Variants in HDAC9 observed in about 807,000 individuals in gnomAD.
The protein encoded by HDAC9 is histone deacetylase 9.
Under a neutral mutation model 139.4 loss-of-function variants are expected in HDAC9, and 41 were observed. That is an observed-to-expected ratio of 0.29 (90% CI 0.23 to 0.38). The LOEUF (loss-of-function observed/expected upper bound fraction) is 0.38, where lower values mean the gene tolerates loss of function less well. HDAC9 is among the 10% of genes least tolerant of loss of function. HDAC9 has a pLI of 1.00. For synonymous variants in HDAC9, 517 were observed against 476.2 expected (o/e 1.09, Z -1.12); for missense variants, 1,147 against 1,297.0 (o/e 0.88, Z 1.78).
rs1031856152 is a variant in HDAC9 at position 18,766,564 on chromosome 7, A to G, written c.2165-542A>G. Among the ~76,000 whole-genome samples the G allele has an allele frequency of 8.5e-5, 13 of 152,300 alleles. No homozygotes were observed. The East Asian group carries it at 1.9e-3, about 23-fold the overall frequency. Reference sequence around the variant, plus strand: ...CTATGGTGTACTTGGCTTTAGCTCTATCTTAAAGTTGATATAGCTACTTAT... The same window carrying G: ...CTATGGTGTACTTGGCTTTAGCTCTGTCTTAAAGTTGATATAGCTACTTAT... On this transcript the variant is annotated intron_variant, in intron 15 of 25. Transcript: ENST00000686413.
intron 2 of HDAC9, among the ~76,000 whole-genome samples, chr7:18,563,807 A>G (rs1411094368): frequency 1.3e-5 from 2 of 148,854 alleles, no homozygotes; most frequent in African/African-American, 2.5e-5. Flanking sequence ...GGTTTGTTAC[A>G]TAGGTATACA....
intron 2 of HDAC9, among the ~76,000 whole-genome samples, chr7:18,547,545 C>A (rs1402104792): frequency 6.6e-6 from 1 of 152,106 alleles, no homozygotes; most frequent in African/African-American, 2.4e-5. Flanking sequence ...GACTGTGGCA[C>A]TTTCTTAAAA....
chr7:18,800,787 C>T (rs1305438947), intron 17 of HDAC9, among the ~76,000 whole-genome samples: 2 of 151,976 alleles, frequency 1.3e-5, no homozygotes, highest in Non-Finnish European at 2.9e-5. Flanking sequence ...GAGCCAAGAT[C>T]GTGCTGTCTC....
chr7:18,294,670 G>A (rs75490366), intron 1 of HDAC9, among the ~76,000 whole-genome samples: 13,320 of 152,144 alleles, frequency 0.088, 1,156 homozygotes, highest in African/African-American at 0.23. Context: ...TGCATGTTGT[G>A]CAAGTGCAAT....
chr7:18,257,338 GA>G (rs1177163393), intron 2 of HDAC9, among the ~76,000 whole-genome samples: 3 of 142,930 alleles, frequency 2.1e-5, no homozygotes, highest in African/African-American at 7.8e-5. Context: ...CTCCAGCCTG[GA>G]TGACACAATG....
At chr7:18,697,320 T>A (rs1271196109) in intron 12 of HDAC9, among the ~76,000 whole-genome samples, 1 of 152,168 alleles carries the variant, frequency 6.6e-6, no homozygotes, top group Non-Finnish European at 1.5e-5. Context: ...TTATTTTTTT[T>A]AAATCAGGAA....
At chr7:18,320,464 G>T (rs1240160408) in intron 1 of HDAC9, among the ~76,000 whole-genome samples, 2 of 152,146 alleles carry the variant, frequency 1.3e-5, no homozygotes, top group East Asian at 3.9e-4. Context: ...ATGTGTTGCT[G>T]CAGGATCGGT....
chr7:18,411,677 C>T (rs914528213), intron 1 of HDAC9, among the ~76,000 whole-genome samples: 3 of 151,596 alleles, frequency 2.0e-5, no homozygotes, highest in African/African-American at 7.3e-5. Context: ...GCCCAGCTAG[C>T]TTTTTAAAAA....
intron 2 of HDAC9, among the ~76,000 whole-genome samples, chr7:18,540,590 A>G (rs965226672): frequency 2.6e-5 from 4 of 152,292 alleles, no homozygotes; most frequent in African/African-American, 9.6e-5. Context: ...CAGACATGAA[A>G]TATTTACATG....
At chr7:18,884,951 G>C (rs1254885180) in intron 22 of HDAC9, among the ~76,000 whole-genome samples, 1 of 152,136 alleles carries the variant, frequency 6.6e-6, no homozygotes, top group South Asian at 2.1e-4. Context: ...TGGCAGAAAG[G>C]GTGGTTCTGT....
intron 1 of HDAC9, among the ~76,000 whole-genome samples, chr7:18,301,775 T>C (rs752637713): frequency 6.6e-6 from 1 of 152,160 alleles, no homozygotes; most frequent in Non-Finnish European, 1.5e-5. Flanking sequence ...CAGACACTCA[T>C]GTTTAATAAT....
At chr7:18,098,172 G>C (rs868278259) in intron 1 of HDAC9, among the ~76,000 whole-genome samples, 2 of 152,156 alleles carry the variant, frequency 1.3e-5, no homozygotes, top group East Asian at 1.9e-4. Context: ...CCGTGAAATC[G>C]ATACTACAGG....
At chr7:18,442,593 A>T (rs1341035911) in intron 1 of HDAC9, among the ~76,000 whole-genome samples, 1 of 152,176 alleles carries the variant, frequency 6.6e-6, no homozygotes, top group East Asian at 1.9e-4. Context: ...CATTGTCTGA[A>T]ATACTGTACT....
intron 1 of HDAC9, among the ~76,000 whole-genome samples, chr7:18,473,751 C>T (rs1170181148): frequency 6.6e-6 from 1 of 152,184 alleles, no homozygotes; most frequent in African/African-American, 2.4e-5. Context: ...TGACTAGAGC[C>T]TTGTTATGTT....
chr7:18,266,883 A>G (rs1796040746), intron 2 of HDAC9, among the ~76,000 whole-genome samples: 1 of 152,152 alleles, frequency 6.6e-6, no homozygotes, highest in Non-Finnish European at 1.5e-5. Context: ...CTAGTGCTTT[A>G]TTTATATTTA....
intron 1 of HDAC9, among the ~76,000 whole-genome samples, chr7:18,092,658 A>G (rs1288322599): frequency 1.2e-4 from 19 of 152,176 alleles, no homozygotes; most frequent in Admixed American, 1.2e-3. Context: ...GGGAAAGAAG[A>G]AAAAATGATT....
At chr7:18,862,258 T>C (rs1385477191) in intron 21 of HDAC9, among the ~76,000 whole-genome samples, 1 of 152,112 alleles carries the variant, frequency 6.6e-6, no homozygotes, top group Non-Finnish European at 1.5e-5. Context: ...TCTTATCAAA[T>C]GCAAGAGAAA....
At chr7:18,372,336 A>G (rs1232943635) in intron 1 of HDAC9, among the ~76,000 whole-genome samples, 1 of 152,196 alleles carries the variant, frequency 6.6e-6, no homozygotes, top group Non-Finnish European at 1.5e-5. Context: ...TCAAACCTGC[A>G]AACCAAGCCC....
chr7:18,131,718 G>T (rs1284291971), intron 1 of HDAC9, among the ~76,000 whole-genome samples: 1 of 152,128 alleles, frequency 6.6e-6, no homozygotes, highest in South Asian at 2.1e-4. Context: ...AACAAGAGAG[G>T]AGGGTGAAGG....
Sources: allele counts gnomAD v4.1 joint callset (sites outside exome capture counted in the v4.1 genomes callset), GRCh38; gene constraint gnomAD v4.1.1; transcripts MANE v1.5; gene names NCBI Gene and HGNC (gene_info 2026-07-23, HGNC 2026-07-21).